Variants in RORA observed in about 807,000 individuals in gnomAD.
The protein encoded by RORA is nuclear receptor ROR-alpha.
In RORA, 7 loss-of-function variants were observed where a neutral mutation model predicts 69.5. The ratio of observed to expected loss-of-function variants is 0.10; its 90% confidence interval spans 0.06 to 0.19. The LOEUF is 0.19. Among genes scored for constraint, RORA ranks in the 10% least tolerant of loss-of-function variants. RORA has a pLI of 1.00. For missense variants in RORA, 457 were observed against 663.0 expected (o/e 0.69, Z 3.41); for synonymous variants, 261 against 240.8 (o/e 1.08, Z -0.78).
chr15:60,926,436 G>T (rs1260359854), intron 1 of RORA, among the ~76,000 whole-genome samples: 1 of 152,224 alleles, frequency 6.6e-6, no homozygotes, highest in South Asian at 2.1e-4. Flanking sequence ...AGATTATAGA[G>T]TTATCCCAGC....
At chr15:61,170,687 T>C (rs149147232) in intron 1 of RORA, among the ~76,000 whole-genome samples, 61 of 152,334 alleles carry the variant, frequency 4.0e-4, no homozygotes, top group African/African-American at 1.1e-3. Context: ...CCTGGCACAT[T>C]GTAAGTGCTC....
intron 1 of RORA, among the ~76,000 whole-genome samples, chr15:60,776,474 G>C (rs2072168578): frequency 6.6e-6 from 1 of 152,238 alleles, no homozygotes; most frequent in African/African-American, 2.4e-5. Flanking sequence ...AGAGAGCTGG[G>C]TGCTGGGGAG....
intron 1 of RORA, among the ~76,000 whole-genome samples, chr15:61,187,293 C>A (rs977274030): frequency 6.6e-6 from 1 of 152,250 alleles, no homozygotes; most frequent in Non-Finnish European, 1.5e-5. Context: ...CCAACATGTA[C>A]AGGCGGCCCG....
chr15:61,008,042 T>G (rs1206527069), intron 1 of RORA, among the ~76,000 whole-genome samples: 1 of 151,890 alleles, frequency 6.6e-6, no homozygotes, highest in Non-Finnish European at 1.5e-5. Flanking sequence ...TAGATACATT[T>G]CAAAAGTGAC....
chr15:61,063,040 TCA>T (rs780544358), intron 1 of RORA, among the ~76,000 whole-genome samples: 26 of 152,184 alleles, frequency 1.7e-4, no homozygotes, highest in Non-Finnish European at 3.5e-4. Context: ...GAGTGGGAAC[TCA>T]CAGACCCGGC....
chr15:61,040,418 C>T (rs1056841892), intron 1 of RORA, among the ~76,000 whole-genome samples: 15 of 151,792 alleles, frequency 9.9e-5, no homozygotes, highest in African/African-American at 2.2e-4. Flanking sequence ...CCTCAGCTCA[C>T]GATACCTATT....
At chr15:60,950,942 A>G (rs529489727) in intron 1 of RORA, among the ~76,000 whole-genome samples, 2,081 of 150,364 alleles carry the variant, frequency 0.014, 42 homozygotes, top group African/African-American at 0.047. Flanking sequence ...AGCGGACGTA[A>G]TAGACATCTA....
chr15:60,849,814 C>G (rs1367345316), intron 1 of RORA, among the ~76,000 whole-genome samples: 5 of 152,092 alleles, frequency 3.3e-5, no homozygotes, highest in Non-Finnish European at 7.4e-5. Flanking sequence ...TTCAGTTGGG[C>G]CCATCAGGGT....
intron 1 of RORA, among the ~76,000 whole-genome samples, chr15:60,741,355 T>C (rs2071573320): frequency 6.6e-6 from 1 of 152,158 alleles, no homozygotes; most frequent in African/African-American, 2.4e-5. Flanking sequence ...AGAAAGACTG[T>C]TTACTCTGTT....
chr15:61,119,101 G>A (rs1479548994), intron 1 of RORA, among the ~76,000 whole-genome samples: 1 of 151,138 alleles, frequency 6.6e-6, no homozygotes, highest in Non-Finnish European at 1.5e-5. Flanking sequence ...GGGCGCCATG[G>A]AGCAGTCGTG....
intron 1 of RORA, among the ~76,000 whole-genome samples, chr15:60,819,552 G>A (rs911786944): frequency 1.3e-5 from 2 of 152,158 alleles, no homozygotes; most frequent in African/African-American, 4.8e-5. Flanking sequence ...ACAGGCTTCT[G>A]TGAGATTTCT....
intron 1 of RORA, among the ~76,000 whole-genome samples, chr15:60,879,028 C>A (rs536587012): frequency 1.4e-3 from 213 of 152,312 alleles, no homozygotes; most frequent in Middle Eastern, 6.8e-3. Flanking sequence ...CTTTCTACTT[C>A]TTGGAGTCAT....
chr15:60,505,652 C>G (rs200706561), intron 5 of RORA, 23 bp from the exon 6 acceptor site: 30 of 1,609,144 alleles, frequency 1.9e-5, no homozygotes, highest in Non-Finnish European at 2.5e-5. Flanking sequence ...CGGGAGATCA[C>G]AAACACGAAA....
intron 3 of RORA, among the ~76,000 whole-genome samples, chr15:60,526,257 G>C (rs562791356): frequency 6.6e-6 from 1 of 152,126 alleles, no homozygotes. Context: ...AGCTGCCCAC[G>C]TGTCATATTT....
intron 2 of RORA, among the ~76,000 whole-genome samples, chr15:60,597,957 A>G (rs2068733836): frequency 6.6e-6 from 1 of 151,898 alleles, no homozygotes; most frequent in South Asian, 2.1e-4. Context: ...CTTGAACTCC[A>G]TGGTATGGTG....
At chr15:60,933,930 C>A (rs1892443891) in intron 1 of RORA, among the ~76,000 whole-genome samples, 1 of 152,202 alleles carries the variant, frequency 6.6e-6, no homozygotes, top group South Asian at 2.1e-4. Flanking sequence ...TTTTGAAGGG[C>A]CCAGAGAGGC....
In RORA at chr15:60,847,727, A is replaced by C. The variant is rs140256149; in HGVS notation, c.167-169041T>G. ...TTAATAAGTTTTCCATATTGATACC[A>C]CGTTGAAATGATAATACTTTGGATA... On this transcript the variant is annotated intron_variant, in intron 1 of 10. Transcript: ENST00000335670. The C allele has an allele frequency of 2.0e-4, 31 of 152,322 alleles. No individual in the cohort carries two copies. The East Asian group carries it at 5.8e-3, about 28-fold the overall frequency. 9.4% of individuals were successfully genotyped at this position (152,322 alleles called of 1,614,324 possible).
intron 1 of RORA, among the ~76,000 whole-genome samples, chr15:61,006,903 A>T (rs994257998): frequency 3.3e-5 from 5 of 152,132 alleles, no homozygotes; most frequent in Admixed American, 6.5e-5. Flanking sequence ...TGTCACAAAA[A>T]TCCTTCCTAG....
chr15:61,098,694 T>C (rs782912), intron 1 of RORA, among the ~76,000 whole-genome samples: 14,094 of 152,234 alleles, frequency 0.093, 919 homozygotes, highest in African/African-American at 0.18. Flanking sequence ...GACAAGGGAA[T>C]GTGGTGTGAT....
Sources: allele counts gnomAD v4.1 joint callset (sites outside exome capture counted in the v4.1 genomes callset), GRCh38; gene constraint gnomAD v4.1.1; transcripts MANE v1.5; gene names NCBI Gene and HGNC (gene_info 2026-07-23, HGNC 2026-07-21).